The following THEMIS variants were observed in gnomAD, a reference collection of about 807,000 sequenced individuals.
The protein encoded by THEMIS is protein THEMIS.
THEMIS carries 37 observed loss-of-function variants against 52.6 expected under a neutral mutation model. The ratio of observed to expected loss-of-function variants is 0.70; its 90% confidence interval spans 0.54 to 0.93. THEMIS has a LOEUF of 0.93. Among genes scored for constraint, THEMIS ranks in the 40% least tolerant of loss-of-function variants. The probability of loss-of-function intolerance (pLI) is 0.00; values close to 1 mark genes in which losing one functional copy is unlikely to be tolerated. For synonymous variants in THEMIS, 292 were observed against 272.7 expected (o/e 1.07, Z -0.70); for missense variants, 808 against 763.1 (o/e 1.06, Z -0.69).
At chr6:127,819,118 T>TAAAAAAAAAAAAAAAAAAAAAAAA (rs142123167) in intron 3 of THEMIS, among the ~76,000 whole-genome samples, 4 of 19,470 alleles carry the variant, frequency 2.1e-4, no homozygotes, top group Non-Finnish European at 2.7e-4. Flanking sequence ...AGACTCTGTC[T>TAAAAAAAAAAAAAAAAAAAAAAAA]AAAAAAAAAA....
upstream of THEMIS, among the ~76,000 whole-genome samples, chr6:127,903,407 T>A (rs802705): frequency 0.46 from 68,538 of 150,158 alleles, 16,861 homozygotes; most frequent in Non-Finnish European, 0.58. Flanking sequence ...ACGAGAATTT[T>A]AAAAAAAAAA....
At chr6:127,726,519 T>C (rs1774552950) in intron 4 of THEMIS, among the ~76,000 whole-genome samples, 1 of 152,162 alleles carries the variant, frequency 6.6e-6, no homozygotes, top group South Asian at 2.1e-4. Flanking sequence ...TTTCAAGATA[T>C]GTTTCAAGAA....
intron 4 of THEMIS, among the ~76,000 whole-genome samples, chr6:127,785,006 TTATC>T (rs139061232): frequency 3.4e-3 from 395 of 117,230 alleles, no homozygotes; most frequent in Non-Finnish European, 5.0e-3. Flanking sequence ...TATCTATCTA[TTATC>T]TATCTATCTA....
rs146073179 is a variant in THEMIS at position 127,775,146 on chromosome 6, C to T, written c.1758+37737G>A. On this transcript the variant is annotated intron_variant, in intron 4 of 5. Coordinates refer to ENST00000368248, the MANE Select transcript of THEMIS (RefSeq NM_001010923.3). Reference sequence around the variant, plus strand: ...TTCCCTGGGGTGGTTCTTCTTGACGCCTGGCAGCACACCATGAACTCTTTA... The same window carrying T: ...TTCCCTGGGGTGGTTCTTCTTGACGTCTGGCAGCACACCATGAACTCTTTA... Among the ~76,000 whole-genome samples, 29 of 152,244 alleles carry T rather than the reference C, an allele frequency of 1.9e-4. No homozygotes were observed. In the East Asian group the frequency reaches 5.4e-3, roughly 28 times the overall value.
upstream of THEMIS, among the ~76,000 whole-genome samples, chr6:127,905,578 G>A (rs956380217): frequency 1.3e-5 from 2 of 152,020 alleles, no homozygotes; most frequent in Non-Finnish European, 2.9e-5. Context: ...GAATATGTCA[G>A]TGAACTGAAT....
chr6:127,831,386 T>C (rs754567180), intron 2 of THEMIS, among the ~76,000 whole-genome samples: 6 of 152,150 alleles, frequency 3.9e-5, no homozygotes, highest in Non-Finnish European at 5.9e-5. Flanking sequence ...AAGAAGAAAT[T>C]AGTTAATTGC....
chr6:127,745,269 C>T lies in THEMIS; in HGVS notation c.1759-25446G>A, dbSNP rs573309018. On this transcript the variant is annotated intron_variant, in intron 4 of 5. Transcript: ENST00000368248. ...AATAATTCTACTGGTGGAAAATATG[C>T]CTAAGCAATTAATCTTAAATCTAAA... Among the ~76,000 whole-genome samples, 83 of 151,780 alleles carry T rather than the reference C, an allele frequency of 5.5e-4. 1 individual carries two copies. The South Asian group carries it at 0.017, about 31-fold the overall frequency.
At chr6:127,729,002 T>A (rs1774650356) in intron 4 of THEMIS, among the ~76,000 whole-genome samples, 1 of 152,296 alleles carries the variant, frequency 6.6e-6, no homozygotes, top group Middle Eastern at 3.4e-3. Flanking sequence ...TTTTCATTTA[T>A]TTTTACCTAT....
At chr6:127,908,431 C>T (rs1481698420) in intron 1 of THEMIS, among the ~76,000 whole-genome samples, 4 of 152,098 alleles carry the variant, frequency 2.6e-5, no homozygotes, top group Non-Finnish European at 5.9e-5. Context: ...AGCCTGCTCA[C>T]CATGAGGAGA....
intron 4 of THEMIS, among the ~76,000 whole-genome samples, chr6:127,746,859 T>A (rs1425063840): frequency 2.2e-4 from 12 of 55,720 alleles, no homozygotes; most frequent in South Asian, 1.5e-3. Context: ...TTATATATTA[T>A]TATATAATTA....
chr6:127,701,026 G>A, the THEMIS span, among the ~76,000 whole-genome samples: 2 of 151,802 alleles, frequency 1.3e-5, no homozygotes, highest in African/African-American at 2.4e-5. Context: ...TTACACAAAG[G>A]CAGTGAAGTG....
In THEMIS at chr6:127,878,374, G is replaced by A. The variant is rs1268994194; in HGVS notation, c.91+22468C>T. Among the ~76,000 whole-genome samples the A allele has an allele frequency of 3.3e-5, 5 of 152,200 alleles. No individual in the cohort carries two copies. The South Asian group carries it at 1.0e-3, about 32-fold the overall frequency. On this transcript the variant is annotated intron_variant, in intron 1 of 5. Coordinates refer to ENST00000368248, the MANE Select transcript of THEMIS (RefSeq NM_001010923.3). ...TAATGAACTTTTCAGGCAAGGTACT[G>A]TCAGACAGCTTCAAAAGACAGCTGG...
intron 3 of THEMIS, among the ~76,000 whole-genome samples, chr6:127,817,221 A>C (rs1583311383): frequency 6.6e-6 from 1 of 152,308 alleles, no homozygotes; most frequent in Middle Eastern, 3.4e-3. Context: ...CACCTGGCGT[A>C]TAGTAGATAC....
At chr6:127,748,715 C>T (rs982372034) in intron 4 of THEMIS, among the ~76,000 whole-genome samples, 11 of 152,096 alleles carry the variant, frequency 7.2e-5, no homozygotes, top group South Asian at 6.2e-4. Context: ...AAAAACAAGA[C>T]TTTAAAGTTT....
At chr6:127,893,464 T>G (rs991768662) in intron 1 of THEMIS, among the ~76,000 whole-genome samples, 1 of 152,156 alleles carries the variant, frequency 6.6e-6, no homozygotes, top group South Asian at 2.1e-4. Flanking sequence ...AGGACAAATG[T>G]TCAATGTTTT....
intron 2 of THEMIS, among the ~76,000 whole-genome samples, chr6:127,842,135 T>C (rs1029530114): frequency 5.3e-5 from 8 of 152,036 alleles, no homozygotes; most frequent in African/African-American, 1.9e-4. Context: ...CAAATGTATA[T>C]ATTTTTTGCA....
At chr6:127,784,334 T>C (rs1776849923) in intron 4 of THEMIS, among the ~76,000 whole-genome samples, 1 of 152,122 alleles carries the variant, frequency 6.6e-6, no homozygotes, top group African/African-American at 2.4e-5. Context: ...TGTATACCTA[T>C]GTAACAAACC....
chr6:127,850,441 G>A (rs1245212470), intron 2 of THEMIS, among the ~76,000 whole-genome samples: 1 of 151,848 alleles, frequency 6.6e-6, no homozygotes, highest in Non-Finnish European at 1.5e-5. Flanking sequence ...GCATACACAT[G>A]TTTATAACAG....
chr6:127,746,783 TTA>T, intron 4 of THEMIS, among the ~76,000 whole-genome samples: 1 of 46,330 alleles, frequency 2.2e-5, no homozygotes, highest in South Asian at 8.8e-4. Flanking sequence ...TTATATATAA[TTA>T]TATATTATTA....
Sources: allele counts gnomAD v4.1 joint callset (sites outside exome capture counted in the v4.1 genomes callset), GRCh38; gene constraint gnomAD v4.1.1; transcripts MANE v1.5; gene names NCBI Gene and HGNC (gene_info 2026-07-23, HGNC 2026-07-21).